Variants in CCDC12 observed in about 807,000 individuals in gnomAD.
The protein encoded by CCDC12 is coiled-coil domain-containing protein 12.
Under a neutral mutation model 25.7 loss-of-function variants are expected in CCDC12, and 28 were observed. That is an observed-to-expected ratio of 1.09 (90% CI 0.81 to 1.50). CCDC12 has a LOEUF of 1.50. Among genes scored for constraint, CCDC12 ranks in the 40% most tolerant of loss-of-function variants. The probability of loss-of-function intolerance (pLI) is 0.00; values close to 1 mark genes in which losing one functional copy is unlikely to be tolerated. For missense variants in CCDC12, 198 were observed against 210.0 expected (o/e 0.94, Z 0.35); for synonymous variants, 75 against 87.7 (o/e 0.86, Z 0.81).
At chr3:46,942,345 A>G (rs1159103266) in intron 1 of CCDC12, among the ~76,000 whole-genome samples, 1 of 152,238 alleles carries the variant, frequency 6.6e-6, no homozygotes, top group Non-Finnish European at 1.5e-5. Flanking sequence ...AGAAGGTGAC[A>G]ATGCTCACTT....
Position 46,922,237 on chromosome 3 carries a change from G to A in CCDC12, c.417C>T (p.Ile139=), listed in dbSNP as rs766520715. 4 of 1,614,284 alleles carry A rather than the reference G, an allele frequency of 2.5e-6. No homozygotes were observed. Among genetic ancestry groups the A allele is most frequent in the South Asian group, 2.2e-5 (2 of 91,086 alleles). ...CACCTTCCCAGGCACTGCACTTACG[G>A]ATCAGCTCGGCAATGGCCCTCTGAG... ...KRTQRAIAEL[I]RERLKGQEDS... Residue 139 remains isoleucine, a splice_region_variant and synonymous_variant, in exon 6 of 7, where the codon ATC becomes ATT. Coordinates refer to ENST00000683445, the MANE Select transcript of CCDC12 (RefSeq NM_001277074.2).
intron 1 of CCDC12, among the ~76,000 whole-genome samples, chr3:46,946,432 A>C (rs2033909945): frequency 6.6e-6 from 1 of 152,212 alleles, no homozygotes. Context: ...CCACTGGGGG[A>C]TTATGAGGCA....
chr3:46,961,834 G>A (rs766037858), intron 1 of CCDC12, among the ~76,000 whole-genome samples: 6 of 152,162 alleles, frequency 3.9e-5, no homozygotes, highest in Non-Finnish European at 8.8e-5. Flanking sequence ...ATCATAAACA[G>A]TGCATGCCAA....
intron 1 of CCDC12, among the ~76,000 whole-genome samples, chr3:46,949,539 G>T (rs1371733701): frequency 6.6e-6 from 1 of 152,210 alleles, no homozygotes; most frequent in African/African-American, 2.4e-5. Flanking sequence ...AGGAAGCCCA[G>T]CCTGCAGCCC....
intron 1 of CCDC12, 44 bp downstream of exon 1, chr3:46,976,593 A>C (rs1004827544): frequency 5.7e-6 from 9 of 1,583,914 alleles, no homozygotes; most frequent in Admixed American, 3.6e-5. Flanking sequence ...CCGGACCCCG[A>C]ACGCTGGACG....
chr3:46,951,449 A>T (rs2034110552), intron 1 of CCDC12, among the ~76,000 whole-genome samples: 1 of 151,888 alleles, frequency 6.6e-6, no homozygotes, highest in African/African-American at 2.4e-5. Context: ...GTACACCATA[A>T]ATATACAGCT....
rs1210446886 is a variant in CCDC12, at chr3:46,921,755, T to C, written c.*302A>G. On this transcript the variant is annotated 3_prime_UTR_variant, in exon 7 of 7. Coordinates refer to ENST00000683445, the MANE Select transcript of CCDC12 (RefSeq NM_001277074.2). ...TGCCACACACAGGGGTTTACTTGTT[T>C]CTATTTCCAGATTTTTTTTTAGAAA... 5.1e-6 allele frequency: 2 copies of C among 390,438 alleles called. No individual in the cohort carries two copies. Among genetic ancestry groups the C allele is most frequent in the Non-Finnish European group, 9.3e-6 (2 of 215,650 alleles). The allele number at this position is 390,438 out of a possible 1,614,324, so 24.2% of individuals were successfully genotyped here. A position where few individuals can be genotyped will look rare whatever the true frequency, so the allele number is the denominator to read the frequency against.
chr3:46,924,524 C>T (rs976165545), intron 3 of CCDC12, among the ~76,000 whole-genome samples: 2 of 152,212 alleles, frequency 1.3e-5, no homozygotes, highest in Admixed American at 6.5e-5. Context: ...TGTATTTATT[C>T]ACTTGTTACT....
chr3:46,969,616 A>G (rs1301103070), intron 1 of CCDC12, among the ~76,000 whole-genome samples: 1 of 152,172 alleles, frequency 6.6e-6, no homozygotes, highest in Non-Finnish European at 1.5e-5. Flanking sequence ...ACATACACAG[A>G]TGGCCCCAAA....
rs180689501 is a variant in CCDC12 at position 46,954,646 on chromosome 3, C to T, written c.97-13581G>A. On this transcript the variant is annotated intron_variant, in intron 1 of 6. Transcript: ENST00000683445. ...TTATTAAAAGAACAGGTATTTCCAC[C>T]GGGCACGGTGGCTCACGCCTGGTAA... Among the ~76,000 whole-genome samples, 6 of 152,286 alleles carry T rather than the reference C, an allele frequency of 3.9e-5. No individual in the cohort carries two copies. In the East Asian group the frequency reaches 7.7e-4, roughly 20 times the overall value.
At chr3:46,965,767 G>C (rs1391566086) in intron 1 of CCDC12, among the ~76,000 whole-genome samples, 1 of 152,166 alleles carries the variant, frequency 6.6e-6, no homozygotes, top group Non-Finnish European at 1.5e-5. Flanking sequence ...GATTGTGTTT[G>C]GTCCCTTACT....
chr3:46,942,030 T>C (rs1179595049), intron 1 of CCDC12, among the ~76,000 whole-genome samples: 4 of 152,240 alleles, frequency 2.6e-5, no homozygotes, highest in Non-Finnish European at 4.4e-5. Flanking sequence ...GCACCTCTTT[T>C]TGAAGTCTAC....
At chr3:46,942,700 C>G (rs939111654) in intron 1 of CCDC12, among the ~76,000 whole-genome samples, 1 of 152,174 alleles carries the variant, frequency 6.6e-6, no homozygotes. Flanking sequence ...ACATGCCCCC[C>G]ACCCCAACTC....
At chr3:46,953,085 C>G (rs1251858091) in intron 1 of CCDC12, among the ~76,000 whole-genome samples, 1 of 152,056 alleles carries the variant, frequency 6.6e-6, no homozygotes, top group Non-Finnish European at 1.5e-5. Flanking sequence ...ACAATCAAAC[C>G]CATCGAGAGC....
At chr3:46,955,886 C>T (rs759564204) in intron 1 of CCDC12, among the ~76,000 whole-genome samples, 6 of 152,208 alleles carry the variant, frequency 3.9e-5, no homozygotes, top group Non-Finnish European at 8.8e-5. Context: ...GGTACTTGCT[C>T]ATCTACTCAC....
chr3:46,933,926 AT>A (rs35148258), intron 2 of CCDC12, among the ~76,000 whole-genome samples: 29 of 147,844 alleles, frequency 2.0e-4, no homozygotes, highest in African/African-American at 5.9e-4. Context: ...TCAATTGAAA[AT>A]TTTTTTTTTT....
intron 1 of CCDC12, among the ~76,000 whole-genome samples, chr3:46,951,327 T>C (rs148087991): frequency 6.6e-6 from 1 of 152,126 alleles, no homozygotes; most frequent in African/African-American, 2.4e-5. Context: ...GATCGGTTAA[T>C]AATAATGTAT....
chr3:46,957,965 A>ACC (rs2034347615), intron 1 of CCDC12, among the ~76,000 whole-genome samples: 1 of 105,104 alleles, frequency 9.5e-6, no homozygotes, highest in Non-Finnish European at 2.1e-5. Context: ...ATAAATACAC[A>ACC]CACACACACA....
rs551526667 is a variant in CCDC12, at chr3:46,923,622, G to A, written c.291C>T (p.Pro97=). The change falls in exon 4 of 7, where the codon CCC becomes CCT. Residue 97 remains proline, a synonymous_variant. Coordinates refer to ENST00000683445, the MANE Select transcript of CCDC12 (RefSeq NM_001277074.2). ...AGGCACTCACCACCTCCTCGATGACGGGCTCGGGCTTGGCGGCCTCCAGCT... is the reference window on the plus strand; with the variant it reads ...AGGCACTCACCACCTCCTCGATGACAGGCTCGGGCTTGGCGGCCTCCAGCT... ...KEQLEAAKPE[P]VIEEVDLANL... The A allele has an allele frequency of 1.0e-5, 16 of 1,595,128 alleles. No individual in the cohort carries two copies. The highest frequency in any genetic ancestry group is 1.7e-4 in the Middle Eastern group (1 of 5,982).
Sources: allele counts gnomAD v4.1 joint callset (sites outside exome capture counted in the v4.1 genomes callset), GRCh38; gene constraint gnomAD v4.1.1; transcripts MANE v1.5; gene names NCBI Gene and HGNC (gene_info 2026-07-23, HGNC 2026-07-21).